PPARG: variants seen among roughly 807,000 people sequenced by gnomAD.
PPARG encodes peroxisome proliferator-activated receptor gamma.
PPARG carries 17 observed loss-of-function variants against 39.2 expected under a neutral mutation model. The ratio of observed to expected loss-of-function variants is 0.43; its 90% CI spans 0.30 to 0.65. The LOEUF is 0.65. PPARG is among the 30% of genes least tolerant of loss of function. PPARG has a pLI of 0.13. For missense variants in PPARG, 406 were observed against 585.9 expected (o/e 0.69, Z 3.17); for synonymous variants, 223 against 215.7 (o/e 1.03, Z -0.30).
intron 1 of PPARG, among the ~76,000 whole-genome samples, chr3:12,298,366 T>A (rs1166918408): frequency 8.5e-6 from 1 of 117,158 alleles, no homozygotes. Context: ...TTTCCCAAAA[T>A]CAGTGTGAAC....
In PPARG at chr3:12,332,242, G is replaced by A. The variant is rs1021131719; in HGVS notation, c.-9+19789G>A. On this transcript the variant is annotated intron_variant, in intron 2 of 7. Coordinates refer to ENST00000651735, the MANE Select transcript of PPARG (RefSeq NM_138711.6). ...GTAAAATCTTTCTTCAACATATTAA[G>A]CCATTTTTCTGTCTTGGTAAATATG... Among the ~76,000 whole-genome samples the A allele has an allele frequency of 3.9e-5, 6 of 151,988 alleles. No individual in the cohort carries two copies. In the East Asian group the frequency reaches 1.2e-3, roughly 29 times the overall value.
intron 5 of PPARG, among the ~76,000 whole-genome samples, chr3:12,393,950 A>G (rs1402276216): frequency 6.6e-6 from 1 of 152,204 alleles, no homozygotes; most frequent in African/African-American, 2.4e-5. Context: ...TAGAGCTATC[A>G]GCAGTACTGA....
intron 6 of PPARG, among the ~76,000 whole-genome samples, chr3:12,412,875 C>A (rs565734636): frequency 6.6e-6 from 1 of 152,188 alleles, no homozygotes; most frequent in African/African-American, 2.4e-5. Context: ...TAAGGAGGGA[C>A]GCTTACCCAG....
chr3:12,336,299 G>A (rs2048011607), intron 2 of PPARG, among the ~76,000 whole-genome samples: 3 of 152,150 alleles, frequency 2.0e-5, no homozygotes, highest in Admixed American at 1.3e-4. Flanking sequence ...GTTGTGGGGA[G>A]GAGGATAACC....
At chr3:12,342,892 AAAG>A (rs1222715726) in intron 2 of PPARG, among the ~76,000 whole-genome samples, 2 of 152,152 alleles carry the variant, frequency 1.3e-5, no homozygotes, top group Non-Finnish European at 2.9e-5. Flanking sequence ...TCCTTGGAGG[AAAG>A]AAGATATAAA....
rs768788799 is a variant in PPARG at position 12,378,366 on chromosome 3, CTAAG to C, written c.-8-1336_-8-1333del. Among the ~76,000 whole-genome samples the C allele has an allele frequency of 5.9e-5, 9 of 152,142 alleles. No homozygotes were observed. The East Asian group carries it at 1.5e-3, about 26-fold the overall frequency. ...GCAATAGCCAAGATATGAAATCAAC[CTAAG>C]TGTCAATGGATGAATGGATTTTTGA... On this transcript the variant is annotated intron_variant, in intron 2 of 7. Transcript: ENST00000651735.
chr3:12,384,971 C>G (rs2049820206), intron 4 of PPARG, among the ~76,000 whole-genome samples: 1 of 152,126 alleles, frequency 6.6e-6, no homozygotes, highest in Non-Finnish European at 1.5e-5. Flanking sequence ...AGCCTTCAGT[C>G]TCATTCTGAA....
chr3:12,291,387 C>T (rs968939770), intron 1 of PPARG, among the ~76,000 whole-genome samples: 1 of 149,700 alleles, frequency 6.7e-6, no homozygotes, highest in African/African-American at 2.5e-5. Context: ...GTAGATATCC[C>T]CAGCGTATCA....
chr3:12,391,214 C>T (rs1023006924), intron 4 of PPARG, among the ~76,000 whole-genome samples: 5 of 152,090 alleles, frequency 3.3e-5, no homozygotes, highest in African/African-American at 7.2e-5. Flanking sequence ...CTATTCCTGC[C>T]GCTGAGGAAC....
At chr3:12,383,222 T>A (rs1219490511) in intron 4 of PPARG, among the ~76,000 whole-genome samples, 1 of 151,940 alleles carries the variant, frequency 6.6e-6, no homozygotes, top group Non-Finnish European at 1.5e-5. Context: ...CATCTCTAAG[T>A]TCTGTAATTT....
chr3:12,417,902 C>T (rs13064303), intron 7 of PPARG, among the ~76,000 whole-genome samples: 1,221 of 65,728 alleles, frequency 0.019, 4 homozygotes, highest in Non-Finnish European at 0.021. Flanking sequence ...TTTTTTTTTC[C>T]TTTTTTTTTT....
Position 12,434,010 on chromosome 3 carries a change from C to A in PPARG, c.1293C>A (p.Ala431=). ...ACCCTGAGTCCTCACAGCTGTTTGC[C>A]AAGCTGCTCCAGAAAATGACAGACC... The part of the protein sequence containing the change: ...LNHPESSQLF[A]KLLQKMTDLR... Residue 431 remains alanine, a synonymous_variant, in exon 8 of 8, where the codon GCC becomes GCA. Transcript: ENST00000651735. This position sits in a 1 kb window ranked among gnomAD's most constrained non-coding sequence, Gnocchi z 4.2. 1 of 1,614,232 alleles carries A rather than the reference C, an allele frequency of 6.2e-7. No individual in the cohort carries two copies. The highest frequency in any genetic ancestry group is 8.5e-7 in the Non-Finnish European group (1 of 1,180,044).
At chr3:12,294,884 ACT>A (rs989555275) in intron 1 of PPARG, among the ~76,000 whole-genome samples, 2 of 152,166 alleles carry the variant, frequency 1.3e-5, no homozygotes, top group Non-Finnish European at 2.9e-5. Flanking sequence ...CAAGAGTGAA[ACT>A]CTGTCTCGAA....
intron 2 of PPARG, among the ~76,000 whole-genome samples, chr3:12,328,827 G>A (rs2125041938): frequency 6.6e-6 from 1 of 152,338 alleles, no homozygotes; most frequent in East Asian, 1.9e-4. Context: ...GACGTTCACA[G>A]CTGAATCTCA....
chr3:12,350,671 C>G (rs981231244), intron 2 of PPARG, among the ~76,000 whole-genome samples: 6 of 152,192 alleles, frequency 3.9e-5, no homozygotes, highest in African/African-American at 1.2e-4. Context: ...CAAAACTGAC[C>G]ACAATTCCTC....
At chr3:12,361,056 T>C (rs1005769040) in intron 2 of PPARG, among the ~76,000 whole-genome samples, 1 of 152,210 alleles carries the variant, frequency 6.6e-6, no homozygotes, top group Non-Finnish European at 1.5e-5. Context: ...TTCTACACCA[T>C]CACTGGTACT....
intron 2 of PPARG, among the ~76,000 whole-genome samples, chr3:12,324,024 A>G (rs1027041348): frequency 3.9e-5 from 6 of 152,296 alleles, no homozygotes; most frequent in East Asian, 1.9e-4. Flanking sequence ...ACATTAAGTA[A>G]TCCCAGCACT....
At chr3:12,328,934 CA>C (rs942472854) in intron 2 of PPARG, among the ~76,000 whole-genome samples, 12 of 152,166 alleles carry the variant, frequency 7.9e-5, no homozygotes, top group African/African-American at 2.9e-4. Context: ...CAGTCAGCAG[CA>C]CCTCCAAGAC....
intron 7 of PPARG, among the ~76,000 whole-genome samples, chr3:12,417,888 CTTTTTTTTTTT>C (rs1240237792): frequency 1.6e-5 from 1 of 64,064 alleles, no homozygotes; most frequent in South Asian, 4.3e-4. Flanking sequence ...TTTTTTTTTT[CTTTTTTTTTTT>C]TCCTTTTTTT....
Sources: allele counts gnomAD v4.1 joint callset (sites outside exome capture counted in the v4.1 genomes callset), GRCh38; gene constraint gnomAD v4.1.1; non-coding constraint Gnocchi (gnomAD v3.1); transcripts MANE v1.5; gene names NCBI Gene and HGNC (gene_info 2026-07-23, HGNC 2026-07-21).